Variants in LRRC4C observed in about 807,000 individuals in gnomAD.
LRRC4C encodes the protein leucine-rich repeat-containing protein 4C.
A neutral mutation model predicts 33.6 loss-of-function variants in LRRC4C; 5 were observed. The ratio of observed to expected loss-of-function variants is 0.15; its 90% CI spans 0.08 to 0.31. LRRC4C has a LOEUF of 0.31. Among genes scored for constraint, LRRC4C ranks in the 10% least tolerant of loss-of-function variants. The pLI is 1.00. For missense variants in LRRC4C, 560 were observed against 796.7 expected, an observed-to-expected ratio of 0.70 and a Z score of 3.58; for synonymous variants, 329 against 302.0, an observed-to-expected ratio of 1.09 and a Z score of -0.93.
intron 1 of LRRC4C, among the ~76,000 whole-genome samples, chr11:41,182,107 T>A (rs1192111812): frequency 6.6e-6 from 1 of 152,196 alleles, no homozygotes; most frequent in Non-Finnish European, 1.5e-5. Flanking sequence ...TTAATGGTCA[T>A]GTTGGAAATA....
At chr11:41,071,349 T>C (rs1311389777) in intron 1 of LRRC4C, among the ~76,000 whole-genome samples, 2 of 152,110 alleles carry the variant, frequency 1.3e-5, no homozygotes, top group African/African-American at 2.4e-5. Context: ...CAAACCACCA[T>C]GGCCCATGTA....
At chr11:40,893,821 ACAC>A (rs544281163) in intron 2 of LRRC4C, among the ~76,000 whole-genome samples, 2 of 121,126 alleles carry the variant, frequency 1.7e-5, no homozygotes, top group East Asian at 4.3e-4. Flanking sequence ...GTATTATAAC[ACAC>A]ACACACACAC....
chr11:41,210,273 C>A (rs1466811283), intron 1 of LRRC4C, among the ~76,000 whole-genome samples: 1 of 152,144 alleles, frequency 6.6e-6, no homozygotes, highest in Non-Finnish European at 1.5e-5. Context: ...ATAATTCCCA[C>A]ATGTTGTGGG....
chr11:41,079,559 G>A (rs572679510), intron 1 of LRRC4C, among the ~76,000 whole-genome samples: 7 of 152,118 alleles, frequency 4.6e-5, no homozygotes, highest in South Asian at 2.1e-4. Context: ...ATCTGGGTTC[G>A]TAAGTTCAGA....
At chr11:40,487,766 T>G (rs1953940775) in intron 3 of LRRC4C, among the ~76,000 whole-genome samples, 1 of 152,140 alleles carries the variant, frequency 6.6e-6, no homozygotes, top group Admixed American at 6.6e-5. Flanking sequence ...ATTTTGATCT[T>G]GTTTAAAAAT....
At chr11:40,255,847 G>C (rs1272923287) in intron 4 of LRRC4C, among the ~76,000 whole-genome samples, 1 of 152,168 alleles carries the variant, frequency 6.6e-6, no homozygotes, top group Admixed American at 6.5e-5. Context: ...ACTTATCTGG[G>C]AGACAACTAA....
intron 3 of LRRC4C, among the ~76,000 whole-genome samples, chr11:40,538,260 C>T (rs1956558510): frequency 6.6e-6 from 1 of 151,834 alleles, no homozygotes; most frequent in Non-Finnish European, 1.5e-5. Flanking sequence ...TTATTTTTAT[C>T]CTCCTAATGC....
chr11:40,977,587 G>GA (rs1852178368), intron 1 of LRRC4C, among the ~76,000 whole-genome samples: 1 of 151,966 alleles, frequency 6.6e-6, no homozygotes, highest in East Asian at 1.9e-4. Flanking sequence ...AGTTGAGATA[G>GA]AAAAAAACTC....
chr11:40,987,071 A>G (rs896715157), intron 1 of LRRC4C, among the ~76,000 whole-genome samples: 1 of 152,156 alleles, frequency 6.6e-6, no homozygotes. Context: ...ACCCTCTGAC[A>G]TAGGGTACAT....
intron 1 of LRRC4C, among the ~76,000 whole-genome samples, chr11:41,303,632 A>G (rs1950357388): frequency 4.4e-5 from 1 of 22,634 alleles, no homozygotes; most frequent in African/African-American, 1.4e-4. Flanking sequence ...CATCCCATCT[A>G]GGAAGTGAGG....
intron 3 of LRRC4C, among the ~76,000 whole-genome samples, chr11:40,524,821 C>G (rs184364406): frequency 6.6e-6 from 1 of 152,112 alleles, no homozygotes; most frequent in Non-Finnish European, 1.5e-5. Context: ...ATGGTCCTAC[C>G]CTTTTGGAGC....
chr11:40,259,629 C>A (rs371925612), intron 4 of LRRC4C, among the ~76,000 whole-genome samples: 4 of 152,130 alleles, frequency 2.6e-5, no homozygotes, highest in Non-Finnish European at 5.9e-5. Context: ...TTTCTACATA[C>A]GGCTAGCCAG....
At chr11:41,384,953 G>A (rs919409664) in intron 1 of LRRC4C, among the ~76,000 whole-genome samples, 7 of 150,160 alleles carry the variant, frequency 4.7e-5, no homozygotes, top group Non-Finnish European at 7.4e-5. Context: ...TACTATATCA[G>A]TTTGTATAGT....
intron 3 of LRRC4C, among the ~76,000 whole-genome samples, chr11:40,372,752 T>C (rs1948504132): frequency 6.6e-6 from 1 of 152,102 alleles, no homozygotes; most frequent in Non-Finnish European, 1.5e-5. Context: ...GAACTGAATG[T>C]TTGGTGATCA....
At chr11:40,737,837 C>T (rs1390638029) in intron 2 of LRRC4C, among the ~76,000 whole-genome samples, 1 of 152,088 alleles carries the variant, frequency 6.6e-6, no homozygotes, top group Non-Finnish European at 1.5e-5. Context: ...ATCAAGCTAC[C>T]ATTGACTTTC....
intron 3 of LRRC4C, among the ~76,000 whole-genome samples, chr11:40,618,767 T>G (rs1420414779): frequency 1.3e-5 from 2 of 151,754 alleles, no homozygotes; most frequent in African/African-American, 2.4e-5. Flanking sequence ...GAATCAATTT[T>G]GGGTTGTAAG....
intron 1 of LRRC4C, among the ~76,000 whole-genome samples, chr11:41,005,510 A>C (rs950728178): frequency 6.6e-6 from 1 of 152,178 alleles, no homozygotes; most frequent in Non-Finnish European, 1.5e-5. Context: ...AGGCTGAGGC[A>C]AGAGAATTGC....
At chr11:41,261,779 AC>A (rs1311152767) in intron 1 of LRRC4C, among the ~76,000 whole-genome samples, 1 of 152,106 alleles carries the variant, frequency 6.6e-6, no homozygotes, top group African/African-American at 2.4e-5. Context: ...TCCAAAGGAA[AC>A]AGCATGATCA....
intron 1 of LRRC4C, among the ~76,000 whole-genome samples, chr11:41,196,165 T>C (rs1946170755): frequency 6.6e-6 from 1 of 152,120 alleles, no homozygotes; most frequent in African/African-American, 2.4e-5. Flanking sequence ...CACCTCATCC[T>C]GAAGTTTACA....
Sources: allele counts gnomAD v4.1 joint callset (sites outside exome capture counted in the v4.1 genomes callset), GRCh38; gene constraint gnomAD v4.1.1; transcripts MANE v1.5; gene names NCBI Gene and HGNC (gene_info 2026-07-23, HGNC 2026-07-21).